The following GRID2 variants were observed in gnomAD, a reference collection of about 807,000 sequenced individuals.
GRID2 encodes the protein glutamate receptor ionotropic, delta-2.
GRID2 carries 33 observed loss-of-function variants against 114.8 expected under a neutral mutation model. The observed-to-expected ratio is 0.29, with a 90% CI of 0.22 to 0.38. The LOEUF is 0.38. Ranked by LOEUF, GRID2 falls within the 10% of genes least tolerant of loss-of-function variation. The probability of loss-of-function intolerance (pLI) is 1.00; values close to 1 mark genes in which losing one functional copy is unlikely to be tolerated. For synonymous variants in GRID2, 505 were observed against 449.9 expected (o/e 1.12, Z -1.55); for missense variants, 1,184 against 1,257.7 (o/e 0.94, Z 0.89).
intron 11 of GRID2, among the ~76,000 whole-genome samples, chr4:93,470,069 A>C (rs1337616012): frequency 6.6e-6 from 1 of 152,136 alleles, no homozygotes; most frequent in Non-Finnish European, 1.5e-5. Context: ...GACTTAAATT[A>C]GGTTAAGCAA....
At chr4:92,725,067 G>A (rs1464785976) in intron 2 of GRID2, among the ~76,000 whole-genome samples, 1 of 152,084 alleles carries the variant, frequency 6.6e-6, no homozygotes, top group Non-Finnish European at 1.5e-5. Flanking sequence ...TTAGGAGGCC[G>A]AGAGGGGTGG....
chr4:93,747,397 C>T (rs1181840205), intron 14 of GRID2, among the ~76,000 whole-genome samples: 1 of 152,084 alleles, frequency 6.6e-6, no homozygotes, highest in Non-Finnish European at 1.5e-5. Context: ...ATGTTACATT[C>T]GTGTGATTAT....
intron 14 of GRID2, among the ~76,000 whole-genome samples, chr4:93,652,571 A>T (rs1312151324): frequency 6.6e-6 from 1 of 152,014 alleles, no homozygotes; most frequent in Non-Finnish European, 1.5e-5. Flanking sequence ...CTAGGTGTGT[A>T]GTAGGCTATA....
rs1394550973 is a variant in GRID2, at chr4:93,644,012, G to A, written c.2360+17577G>A. Among the ~76,000 whole-genome samples the A allele has an allele frequency of 2.1e-4, 19 of 90,158 alleles. 1 individual carries two copies. The East Asian group carries it at 4.3e-3, about 20-fold the overall frequency. 59.1% of individuals were successfully genotyped at this position (90,158 alleles called of 152,430 possible). On this transcript the variant is annotated intron_variant, in intron 14 of 15. Transcript: ENST00000282020. ...CGAGCCAGGTGTGGGATATAGTCTC[G>A]TGGTGCGCCGTTTCTTAAGCCGGTC...
intron 13 of GRID2, among the ~76,000 whole-genome samples, chr4:93,608,043 C>CATATATATATATAT (rs59824778): frequency 7.3e-4 from 107 of 146,228 alleles, no homozygotes; most frequent in South Asian, 1.1e-3. Context: ...TCTAACTTTA[C>CATATATATATATAT]ATATATATAT....
chr4:93,737,182 T>C (rs1730998229), intron 14 of GRID2, among the ~76,000 whole-genome samples: 1 of 152,108 alleles, frequency 6.6e-6, no homozygotes, highest in South Asian at 2.1e-4. Context: ...TTCCTTTTTA[T>C]TGACAATATC....
chr4:92,530,811 G>A (rs1445881711), intron 1 of GRID2, among the ~76,000 whole-genome samples: 6 of 151,748 alleles, frequency 4.0e-5, no homozygotes, highest in Non-Finnish European at 7.4e-5. Context: ...GGAGGCTGAG[G>A]CAGAAGAATC....
At chr4:92,850,817 G>A (rs1403856908) in intron 2 of GRID2, among the ~76,000 whole-genome samples, 1 of 151,928 alleles carries the variant, frequency 6.6e-6, no homozygotes, top group Non-Finnish European at 1.5e-5. Flanking sequence ...AGATGATTGG[G>A]ATGTGTTCAA....
intron 2 of GRID2, among the ~76,000 whole-genome samples, chr4:93,036,831 C>T (rs59624276): frequency 0.12 from 17,587 of 152,068 alleles, 1,474 homozygotes; most frequent in East Asian, 0.27. Flanking sequence ...TAAAAAATAG[C>T]GAATTTTTTT....
At chr4:92,637,821 A>T (rs1313467939) in intron 2 of GRID2, among the ~76,000 whole-genome samples, 1 of 151,946 alleles carries the variant, frequency 6.6e-6, no homozygotes, top group Admixed American at 6.6e-5. Flanking sequence ...TTCCTTCCTG[A>T]TATATGTTAC....
chr4:92,352,884 A>G (rs1297327930), intron 1 of GRID2, among the ~76,000 whole-genome samples: 2 of 151,672 alleles, frequency 1.3e-5, no homozygotes, highest in Non-Finnish European at 2.9e-5. Flanking sequence ...TTCTAGTAGG[A>G]GTTTTTTTCA....
Position 92,930,648 on chromosome 4 carries a change from CTT to C in GRID2, c.245-154346_245-154345del, listed in dbSNP as rs1205818587. Among the ~76,000 whole-genome samples the C allele has an allele frequency of 1.5e-4, 20 of 137,870 alleles. No individual in the cohort carries two copies. The South Asian group carries it at 4.4e-3, about 31-fold the overall frequency. 90.4% of individuals were successfully genotyped at this position (137,870 alleles called of 152,430 possible). A position where few individuals can be genotyped will look rare whatever the true frequency, so the allele number is the denominator to read the frequency against. Reference sequence around the variant, plus strand: ...TTACAACATGTGAAGCATCAAAAGACTTATAAAATCTTGAGTCTTGTCTGAAA... The same window carrying C: ...TTACAACATGTGAAGCATCAAAAGACATAAAATCTTGAGTCTTGTCTGAAA... On this transcript the variant is annotated intron_variant, in intron 2 of 15. Transcript: ENST00000282020.
In GRID2 at chr4:93,772,231, C is replaced by A; in HGVS notation, c.2757C>A (p.Ile919=). The A allele has an allele frequency of 6.2e-7, 1 of 1,614,066 alleles. No individual in the cohort carries two copies. Among genetic ancestry groups the A allele is most frequent in the Non-Finnish European group, 8.5e-7 (1 of 1,179,976 alleles). The change falls in exon 16 of 16, where the codon ATC becomes ATA. Residue 919 remains isoleucine, a synonymous_variant. Transcript: ENST00000282020. ...TLPTRQALEQ[I]SDFRNTHITT... is the part of the protein sequence containing the mutation. ...CAACACGACAAGCACTGGAGCAAAT[C>A]AGTGATTTCAGGAACACTCATATTA...
At chr4:93,727,426 A>G (rs1268007348) in intron 14 of GRID2, among the ~76,000 whole-genome samples, 1 of 152,072 alleles carries the variant, frequency 6.6e-6, no homozygotes, top group Non-Finnish European at 1.5e-5. Context: ...ATGTTCATCG[A>G]GGATATTGGT....
intron 1 of GRID2, among the ~76,000 whole-genome samples, chr4:92,321,002 ATTTCT>A (rs1408804405): frequency 1.1e-4 from 17 of 152,224 alleles, no homozygotes; most frequent in African/African-American, 4.1e-4. Context: ...CTTGTTCATA[ATTTCT>A]TTTATAGTTT....
intron 5 of GRID2, among the ~76,000 whole-genome samples, chr4:93,210,771 G>A (rs1579301909): frequency 6.6e-6 from 1 of 151,774 alleles, no homozygotes; most frequent in Non-Finnish European, 1.5e-5. Flanking sequence ...TTATATTTTT[G>A]AAATTTCTAC....
At chr4:92,588,449 G>A (rs1043348798) in intron 1 of GRID2, among the ~76,000 whole-genome samples, 1 of 151,788 alleles carries the variant, frequency 6.6e-6, no homozygotes, top group Non-Finnish European at 1.5e-5. Context: ...GGCCGAGGTA[G>A]GTGGATCACG....
chr4:93,034,978 C>T (rs1724792783), intron 2 of GRID2, among the ~76,000 whole-genome samples: 1 of 152,078 alleles, frequency 6.6e-6, no homozygotes, highest in Non-Finnish European at 1.5e-5. Context: ...AATAAACTTC[C>T]AGTACACGAC....
intron 1 of GRID2, among the ~76,000 whole-genome samples, chr4:92,449,408 T>G (rs1215005842): frequency 6.6e-6 from 1 of 151,874 alleles, no homozygotes; most frequent in African/African-American, 2.4e-5. Context: ...TATTTCATGG[T>G]CAGATCCATG....
Sources: allele counts gnomAD v4.1 joint callset (sites outside exome capture counted in the v4.1 genomes callset), GRCh38; gene constraint gnomAD v4.1.1; transcripts MANE v1.5; gene names NCBI Gene and HGNC (gene_info 2026-07-23, HGNC 2026-07-21).